Variants in ERBB4 observed in about 807,000 individuals in gnomAD.
The protein encoded by ERBB4 is erb-b2 receptor tyrosine kinase 4.
ERBB4 carries 42 observed loss-of-function variants against 158.0 expected under a neutral mutation model. The observed-to-expected ratio is 0.27, with a 90% CI of 0.21 to 0.34. The LOEUF (loss-of-function observed/expected upper bound fraction) is 0.34. ERBB4 is among the 10% of genes least tolerant of loss of function. The pLI is 1.00. For missense variants in ERBB4, 1,333 were observed against 1,624.1 expected, an observed-to-expected ratio of 0.82 and a Z score of 3.08; for synonymous variants, 583 against 558.7, an observed-to-expected ratio of 1.04 and a Z score of -0.61.
At chr2:211,397,000 C>G (rs2062933797) in intron 25 of ERBB4, among the ~76,000 whole-genome samples, 1 of 152,186 alleles carries the variant, frequency 6.6e-6, no homozygotes, top group Non-Finnish European at 1.5e-5. Context: ...GGTACAGCTA[C>G]TGACAGAACA....
chr2:211,647,989 G>C (rs1299519678), intron 16 of ERBB4, among the ~76,000 whole-genome samples: 1 of 151,126 alleles, frequency 6.6e-6, no homozygotes, highest in Admixed American at 6.6e-5. Context: ...GTATTCTAAG[G>C]CTTGTGCAGT....
intron 20 of ERBB4, among the ~76,000 whole-genome samples, chr2:211,501,940 A>G (rs12988861): frequency 0.4 from 60,446 of 151,910 alleles, 12,697 homozygotes; most frequent in African/African-American, 0.53. Flanking sequence ...ACTTGGCTAT[A>G]TTTGTTGTTC....
At chr2:212,513,813 A>AT (rs1338964376) in intron 1 of ERBB4, among the ~76,000 whole-genome samples, 1,849 of 150,598 alleles carry the variant, frequency 0.012, 41 homozygotes, top group African/African-American at 0.044. Context: ...CTCCGTCTCA[A>AT]AAAATAAATA....
At chr2:212,062,814 T>A (rs185776408) in intron 2 of ERBB4, among the ~76,000 whole-genome samples, 101 of 152,300 alleles carry the variant, frequency 6.6e-4, no homozygotes, top group Admixed American at 2.0e-3. Context: ...AATGAACACA[T>A]TTTAAGAAGA....
intron 1 of ERBB4, among the ~76,000 whole-genome samples, chr2:212,239,831 C>T (rs1192050704): frequency 6.6e-6 from 1 of 152,084 alleles, no homozygotes; most frequent in East Asian, 1.9e-4. Context: ...TGTTTTTATC[C>T]TGTCAGAACT....
intron 20 of ERBB4, among the ~76,000 whole-genome samples, chr2:211,522,495 AT>A (rs2066216157): frequency 1.3e-5 from 2 of 152,194 alleles, no homozygotes; most frequent in Non-Finnish European, 2.9e-5. Flanking sequence ...CGTTGTGAAC[AT>A]TATTGAAATG....
chr2:212,440,465 A>T (rs1296507928), intron 1 of ERBB4, among the ~76,000 whole-genome samples: 4 of 152,098 alleles, frequency 2.6e-5, no homozygotes, highest in Admixed American at 1.3e-4. Context: ...CTGTTGTGGG[A>T]CCTTGTGATT....
At chr2:211,876,130 T>A (rs79378870) in intron 3 of ERBB4, among the ~76,000 whole-genome samples, 8,708 of 152,262 alleles carry the variant, frequency 0.057, 392 homozygotes, top group Middle Eastern at 0.088. Flanking sequence ...CTTCACTTAC[T>A]TCAGTGACAC....
At chr2:211,885,426 G>C (rs2078773178) in intron 3 of ERBB4, among the ~76,000 whole-genome samples, 1 of 151,894 alleles carries the variant, frequency 6.6e-6, no homozygotes, top group East Asian at 1.9e-4. Flanking sequence ...TGGAAGATCT[G>C]TAGAGAAAAT....
chr2:212,126,852 C>A (rs2125576471), intron 1 of ERBB4, among the ~76,000 whole-genome samples: 1 of 152,220 alleles, frequency 6.6e-6, no homozygotes, highest in Non-Finnish European at 1.5e-5. Context: ...ATGGGTATAG[C>A]CTAATAATTA....
chr2:212,229,525 C>T (rs573573762), intron 1 of ERBB4, among the ~76,000 whole-genome samples: 10 of 152,262 alleles, frequency 6.6e-5, no homozygotes, highest in African/African-American at 2.4e-4. Context: ...GTAAATCAAG[C>T]TCAGTATTTA....
At chr2:212,356,155 C>T (rs1334202706) in intron 1 of ERBB4, among the ~76,000 whole-genome samples, 2 of 151,842 alleles carry the variant, frequency 1.3e-5, no homozygotes, top group African/African-American at 4.8e-5. Flanking sequence ...ATTAACAAAC[C>T]CACCTTTAAA....
intron 7 of ERBB4, among the ~76,000 whole-genome samples, chr2:211,715,791 C>T (rs76262939): frequency 0.024 from 3,661 of 152,228 alleles, 129 homozygotes; most frequent in African/African-American, 0.083. Context: ...GCTTCCTGTA[C>T]AGCCTACAGA....
In ERBB4 at chr2:211,377,947, A is replaced by AAAT. The variant is rs2062507283; in HGVS notation, c.*5665_*5667dup. 1.3e-5 allele frequency: 3 copies of AAAT among 232,832 alleles called. No individual in the cohort carries two copies. In the South Asian group the frequency reaches 5.4e-4, roughly 42 times the overall value. 14.4% of individuals were successfully genotyped at this position (232,832 alleles called of 1,614,324 possible). A position where few individuals can be genotyped will look rare whatever the true frequency, so the allele number is the denominator to read the frequency against. ...TTGATAGTTCACTTAAACAGTGTCC[A>AAAT]AATTGCTAGAATCTCTTATGAAAAA... On this transcript the variant is annotated 3_prime_UTR_variant, in exon 28 of 28. Transcript: ENST00000342788.
chr2:212,120,320 G>C (rs564214800), intron 2 of ERBB4, among the ~76,000 whole-genome samples: 5 of 152,158 alleles, frequency 3.3e-5, no homozygotes, highest in Non-Finnish European at 7.4e-5. Context: ...CATGGGAAGG[G>C]ATTTTGATTG....
At chr2:211,845,974 G>A (rs1413808147) in intron 3 of ERBB4, among the ~76,000 whole-genome samples, 2 of 151,578 alleles carry the variant, frequency 1.3e-5, no homozygotes, top group African/African-American at 4.8e-5. Flanking sequence ...CTTAAGAAAC[G>A]AAAAGAAAGA....
rs560605491 is a variant in ERBB4 at position 212,443,120 on chromosome 2, C to T, written c.82+95329G>A. ...TCTCCATTCCTGTCCGTAAGGCCCA[C>T]CAGAAGCAATTTTCTTTCAGCTGGC... is the stretch of plus-strand genomic sequence containing the variant. On this transcript the variant is annotated intron_variant, in intron 1 of 27. Coordinates refer to ENST00000342788, the MANE Select transcript of ERBB4 (RefSeq NM_005235.3). 9.2e-5 allele frequency among the ~76,000 whole-genome samples: 14 copies of T among 152,352 alleles called. No individual in the cohort carries two copies. In the South Asian group the frequency reaches 2.1e-3, roughly 23 times the overall value.
intron 1 of ERBB4, among the ~76,000 whole-genome samples, chr2:212,158,986 G>A (rs1575722333): frequency 6.6e-6 from 1 of 151,954 alleles, no homozygotes; most frequent in African/African-American, 2.4e-5. Flanking sequence ...TATTGATAAT[G>A]TTCTTAATAA....
intron 1 of ERBB4, among the ~76,000 whole-genome samples, chr2:212,478,395 C>T (rs112323029): frequency 5.3e-5 from 8 of 151,840 alleles, no homozygotes; most frequent in African/African-American, 1.5e-4. Flanking sequence ...ATTTGAACTA[C>T]GAAATCCCAA....
Sources: gnomAD v4.1 joint callset for allele counts (sites outside exome capture counted in the v4.1 genomes callset) on GRCh38, gnomAD v4.1.1 for gene constraint, MANE v1.5 for transcripts, NCBI Gene and HGNC (gene_info 2026-07-23, HGNC 2026-07-21) for gene names.